Variants in ABCA13 observed in about 807,000 individuals in gnomAD.
The protein encoded by ABCA13 is ATP binding cassette subfamily A member 13, also known as ATP-binding cassette sub-family A member 13.
Under a neutral mutation model 478.7 loss-of-function variants are expected in ABCA13, and 476 were observed. The ratio of observed to expected loss-of-function variants is 0.99; its 90% confidence interval spans 0.92 to 1.07. ABCA13 has a LOEUF of 1.07. Ranked by LOEUF, ABCA13 falls within the 50% of genes least tolerant of loss-of-function variation. ABCA13 has a pLI of 0.00. For synonymous variants in ABCA13, 2,252 were observed against 2,158.9 expected (o/e 1.04, Z -1.20); for missense variants, 6,060 against 5,910.6 (o/e 1.03, Z -0.83).
intron 35 of ABCA13, among the ~76,000 whole-genome samples, chr7:48,377,416 G>A (rs1813669625): frequency 1.3e-5 from 2 of 152,058 alleles, no homozygotes; most frequent in African/African-American, 2.4e-5. Flanking sequence ...AGCAAATAGT[G>A]TCTAACTAAA....
chr7:48,281,707 T>A (rs1797068880), intron 19 of ABCA13, among the ~76,000 whole-genome samples: 1 of 152,194 alleles, frequency 6.6e-6, no homozygotes, highest in Admixed American at 6.5e-5. Context: ...GCTCATGGAA[T>A]GTGCTTCCCT....
intron 45 of ABCA13, among the ~76,000 whole-genome samples, chr7:48,473,098 T>A (rs1827686695): frequency 6.6e-6 from 1 of 152,136 alleles, no homozygotes; most frequent in Non-Finnish European, 1.5e-5. Context: ...CTCATGGGAC[T>A]TAGTCACTAC....
intron 57 of ABCA13, among the ~76,000 whole-genome samples, chr7:48,590,526 TG>T (rs1789625282): frequency 6.6e-6 from 1 of 152,188 alleles, no homozygotes; most frequent in Non-Finnish European, 1.5e-5. Context: ...ACTGGATCAG[TG>T]GCAGTAGTAT....
At position 48,408,492 on chromosome 7, in the gene ABCA13, T is replaced by C. The variant is rs148521609; in HGVS notation, c.12071-2028T>C. On this transcript the variant is annotated intron_variant, in intron 39 of 61. Transcript: ENST00000435803. ...TTGGGTGTGGGGACAGGGACATACATGTGCAAGAACTGGTCATTGTGGACC... is the reference window on the plus strand; with the variant it reads ...TTGGGTGTGGGGACAGGGACATACACGTGCAAGAACTGGTCATTGTGGACC... Among the ~76,000 whole-genome samples the C allele has an allele frequency of 3.7e-4, 57 of 152,290 alleles. No homozygotes were observed. In the East Asian group the frequency reaches 8.9e-3, roughly 24 times the overall value.
chr7:48,387,498 T>C (rs1815370461), intron 35 of ABCA13, among the ~76,000 whole-genome samples: 1 of 152,062 alleles, frequency 6.6e-6, no homozygotes, highest in African/African-American at 2.4e-5. Flanking sequence ...AAGGGCAGTG[T>C]GGGGCAGGGT....
chr7:48,302,813 T>C (rs867785651), intron 23 of ABCA13, among the ~76,000 whole-genome samples: 3 of 152,288 alleles, frequency 2.0e-5, no homozygotes, highest in South Asian at 4.1e-4. Context: ...CATACATGTG[T>C]AGGTATCCTC....
intron 59 of ABCA13, among the ~76,000 whole-genome samples, chr7:48,633,256 G>A (rs542666434): frequency 2.2e-4 from 33 of 152,066 alleles, no homozygotes; most frequent in African/African-American, 8.0e-4. Context: ...ATGACCAAAG[G>A]CACTCAAATT....
At chr7:48,583,777 CT>C (rs1419267279) in intron 56 of ABCA13, among the ~76,000 whole-genome samples, 5 of 152,210 alleles carry the variant, frequency 3.3e-5, no homozygotes, top group African/African-American at 1.2e-4. Flanking sequence ...TAAGGCATTG[CT>C]TTTGCCATTA....
chr7:48,180,338 G>A (rs990575876), intron 1 of ABCA13, among the ~76,000 whole-genome samples: 3 of 152,198 alleles, frequency 2.0e-5, no homozygotes, highest in Non-Finnish European at 4.4e-5. Flanking sequence ...TACCACTTCT[G>A]TTGTGGGGTT....
At chr7:48,627,284 A>G (rs1286877960) in intron 59 of ABCA13, among the ~76,000 whole-genome samples, 1 of 142,472 alleles carries the variant, frequency 7.0e-6, no homozygotes, top group African/African-American at 2.4e-5. Flanking sequence ...TACCACTTCA[A>G]TAGTCTCAAC....
At chr7:48,238,467 C>CTTTTTTTTT (rs34705800) in intron 8 of ABCA13, among the ~76,000 whole-genome samples, 1 of 144,962 alleles carries the variant, frequency 6.9e-6, no homozygotes, top group Non-Finnish European at 1.5e-5. Flanking sequence ...TGTTGAAGTT[C>CTTTTTTTTT]TTTTTTTTTT....
chr7:48,208,065 T>G (rs572838498), intron 3 of ABCA13, among the ~76,000 whole-genome samples: 3 of 152,258 alleles, frequency 2.0e-5, no homozygotes, highest in Admixed American at 2.0e-4. Flanking sequence ...CTTTCCTCAT[T>G]GAATGTTCTT....
intron 55 of ABCA13, among the ~76,000 whole-genome samples, chr7:48,571,379 ACT>A (rs1430929584): frequency 1.3e-5 from 2 of 151,520 alleles, no homozygotes; most frequent in Non-Finnish European, 1.5e-5. Flanking sequence ...CTGTCAACAA[ACT>A]CTCTCAGTTT....
intron 35 of ABCA13, among the ~76,000 whole-genome samples, chr7:48,378,866 C>G (rs1232430936): frequency 6.6e-6 from 1 of 152,142 alleles, no homozygotes; most frequent in Non-Finnish European, 1.5e-5. Context: ...GTTATGATTC[C>G]CAGATACACT....
chr7:48,291,283 G>A (rs1406181792), intron 20 of ABCA13, among the ~76,000 whole-genome samples: 1 of 152,190 alleles, frequency 6.6e-6, no homozygotes, highest in Non-Finnish European at 1.5e-5. Context: ...CTTGAGCCCT[G>A]TCACACGTTA....
intron 41 of ABCA13, among the ~76,000 whole-genome samples, chr7:48,417,828 C>T (rs6973815): frequency 0.27 from 41,560 of 152,040 alleles, 6,227 homozygotes; most frequent in East Asian, 0.46. Flanking sequence ...CTCTGCCTAG[C>T]CATTCCTCCC....
At position 48,350,626 on chromosome 7, in the gene ABCA13, C is replaced by A. The variant is rs1402528099; in HGVS notation, c.10205-17C>A. 6.2e-7 allele frequency: 1 copy of A among 1,606,354 alleles called. No individual in the cohort carries two copies. The highest frequency in any genetic ancestry group is 1.3e-5 in the African/African-American group (1 of 74,742). ...GATACAGAAGTTGATGTGTCCTAAT[C>A]TGTTCACTTTCCTCAGGAGGGCTGC... is the stretch of plus-strand genomic sequence containing the variant. On this transcript the variant is annotated splice_polypyrimidine_tract_variant and intron_variant, in intron 29 of 61. Transcript: ENST00000435803.
chr7:48,254,839 A>G (rs576728278), intron 15 of ABCA13, among the ~76,000 whole-genome samples: 11 of 152,234 alleles, frequency 7.2e-5, no homozygotes, highest in African/African-American at 2.4e-4. Context: ...TGTGAATTTC[A>G]GTTTCTTTCC....
In ABCA13 at chr7:48,352,385, A is replaced by C. The variant is rs1563104089; in HGVS notation, c.10586A>C (p.Asp3529Ala). 1 of 1,613,588 alleles carries C rather than the reference A, an allele frequency of 6.2e-7. No individual in the cohort carries two copies. ...KYNYVFAPLQ[D>A]MIERAIILVQ... ...AACTACGTCTTTGCCCCACTGCAAG[A>C]CATGATCGAAAGAGCCATCATTTTG... The change falls in exon 31 of 62, where the codon GAC (aspartate) becomes GCC (alanine). Residue 3529 changes from aspartate (D) to alanine (A), a missense_variant. This residue lies in a region of ABCA13 where 4,423 missense variants were observed against 4,309.1 expected (regional missense o/e 1.03). Coordinates refer to ENST00000435803, the MANE Select transcript of ABCA13 (RefSeq NM_152701.5).
Sources: allele counts gnomAD v4.1 joint callset (sites outside exome capture counted in the v4.1 genomes callset), GRCh38; gene constraint gnomAD v4.1.1; regional missense constraint gnomAD v4.1.1; transcripts MANE v1.5; gene names NCBI Gene and HGNC (gene_info 2026-07-23, HGNC 2026-07-21).